LYRM7: variants seen among roughly 807,000 people sequenced by gnomAD.
LYRM7 encodes complex III assembly factor LYRM7.
In LYRM7, 9 loss-of-function variants were observed where a neutral mutation model predicts 15.8. The observed-to-expected ratio is 0.57, with a 90% confidence interval of 0.34 to 0.99. The LOEUF (loss-of-function observed/expected upper bound fraction) is 0.99. LYRM7 is among the 50% of genes least tolerant of loss of function. LYRM7 has a pLI of 0.02. For synonymous variants in LYRM7, 39 were observed against 39.4 expected, an observed-to-expected ratio of 0.99 and a Z score of 0.04; for missense variants, 115 against 119.1, an observed-to-expected ratio of 0.97 and a Z score of 0.16.
At chr5:131,177,827 C>T (rs1755624919) in intron 1 of LYRM7, among the ~76,000 whole-genome samples, 1 of 152,106 alleles carries the variant, frequency 6.6e-6, no homozygotes, top group Non-Finnish European at 1.5e-5. Flanking sequence ...TTTCTCTTTT[C>T]TCTCTTGTTG....
intron 4 of LYRM7, among the ~76,000 whole-genome samples, chr5:131,198,846 C>T (rs749875903): frequency 6.6e-6 from 1 of 151,776 alleles, no homozygotes; most frequent in Non-Finnish European, 1.5e-5. Context: ...TCTAGGATTA[C>T]AGCCGTGAGT....
At chr5:131,190,861 T>C (rs1755875230) in intron 4 of LYRM7, among the ~76,000 whole-genome samples, 1 of 152,152 alleles carries the variant, frequency 6.6e-6, no homozygotes, top group Non-Finnish European at 1.5e-5. Flanking sequence ...TCATCAGCTT[T>C]TATCTTAATA....
chr5:131,176,925 C>A (rs1324803429), intron 1 of LYRM7, among the ~76,000 whole-genome samples: 1 of 152,090 alleles, frequency 6.6e-6, no homozygotes, highest in Non-Finnish European at 1.5e-5. Flanking sequence ...TATATATACA[C>A]CACATTTTCT....
chr5:131,175,139 C>A (rs965267110), intron 1 of LYRM7, among the ~76,000 whole-genome samples: 6 of 140,598 alleles, frequency 4.3e-5, no homozygotes, highest in Admixed American at 6.7e-5. Flanking sequence ...TCTTAAGGGT[C>A]CTAGGATTTT....
At chr5:131,181,633 T>A (rs1348838207) in intron 2 of LYRM7, among the ~76,000 whole-genome samples, 1 of 151,420 alleles carries the variant, frequency 6.6e-6, no homozygotes, top group East Asian at 1.9e-4. Context: ...TTTATACGGA[T>A]TGTTCCATTA....
intron 3 of LYRM7, among the ~76,000 whole-genome samples, chr5:131,184,956 T>C (rs1221342536): frequency 6.6e-6 from 1 of 152,104 alleles, no homozygotes; most frequent in African/African-American, 2.4e-5. Context: ...CACACTTATA[T>C]CCAATCTGAT....
chr5:131,188,471 T>C (rs983019896), intron 4 of LYRM7, among the ~76,000 whole-genome samples: 1 of 151,798 alleles, frequency 6.6e-6, no homozygotes, highest in South Asian at 2.1e-4. Context: ...CACATTGTGA[T>C]TTTAATTTAT....
At chr5:131,178,603 T>C (rs1755635795) in intron 1 of LYRM7, among the ~76,000 whole-genome samples, 1 of 152,172 alleles carries the variant, frequency 6.6e-6, no homozygotes, top group East Asian at 1.9e-4. Context: ...TTCTCTCTTT[T>C]TATTTTTTTC....
At chr5:131,183,123 T>TA (rs33937900) in intron 3 of LYRM7, among the ~76,000 whole-genome samples, 44,900 of 151,590 alleles carry the variant, frequency 0.3, 10,518 homozygotes, top group African/African-American at 0.66. Flanking sequence ...TCCAGATGTT[T>TA]AAAAAAAACT....
At chr5:131,178,743 C>T (rs1580693089) in intron 1 of LYRM7, among the ~76,000 whole-genome samples, 2 of 151,962 alleles carry the variant, frequency 1.3e-5, no homozygotes, top group Admixed American at 6.6e-5. Context: ...CAGCGGACCA[C>T]GAGGTCAGGA....
intron 2 of LYRM7, among the ~76,000 whole-genome samples, chr5:131,181,302 A>AATAT (rs1561544194): frequency 0.021 from 187 of 8,764 alleles, 12 homozygotes; most frequent in South Asian, 0.086. Context: ...AAAAAAAAAA[A>AATAT]ATATATATAT....
Position 131,204,048 on chromosome 5 carries a change from C to T in LYRM7, c.*4447C>T, listed in dbSNP as rs2149668817. 1 of 151,522 alleles carries T rather than the reference C, an allele frequency of 6.6e-6. No homozygotes were observed. Among genetic ancestry groups the T allele is most frequent in the East Asian group, 1.9e-4 (1 of 5,158 alleles). The allele number at this position is 151,522 out of a possible 1,614,324, so 9.4% of individuals were successfully genotyped here. On this transcript the variant is annotated 3_prime_UTR_variant, in exon 5 of 5. Coordinates refer to ENST00000379380, the MANE Select transcript of LYRM7 (RefSeq NM_181705.4). ...GGTTGTAAGACTATAAGGAAATAGC[C>T]ACTGTCATATCATTTTTAAAGGAAT...
chr5:131,182,084 A>G (rs1216865490), intron 2 of LYRM7, 145 bp from the exon 3 acceptor site: 1 of 715,292 alleles, frequency 1.4e-6, no homozygotes, highest in Non-Finnish European at 2.0e-6. Flanking sequence ...TTCATTAATA[A>G]ATTTCTTATT....
At chr5:131,196,102 CTTTTTTTTTTTTTTTTT>C (rs561484173) in intron 4 of LYRM7, among the ~76,000 whole-genome samples, 1 of 131,016 alleles carries the variant, frequency 7.6e-6, no homozygotes, top group Non-Finnish European at 1.6e-5. Context: ...TTCTCCTGTT[CTTTTTTTTTTTTTTTTT>C]TGGAGATAGA....
At chr5:131,194,578 C>A (rs1387899370) in intron 4 of LYRM7, among the ~76,000 whole-genome samples, 4 of 152,124 alleles carry the variant, frequency 2.6e-5, no homozygotes, top group Admixed American at 2.6e-4. Context: ...ATCTGTTTTG[C>A]TGGCAGGAGT....
intron 1 of LYRM7, among the ~76,000 whole-genome samples, chr5:131,178,961 C>CAAA (rs58612746): frequency 0.022 from 1,355 of 62,810 alleles, 64 homozygotes; most frequent in African/African-American, 0.072. Context: ...GACTCCGTCT[C>CAAA]AAAAAAAAAA....
intron 2 of LYRM7, among the ~76,000 whole-genome samples, chr5:131,181,428 TAACATATATATG>T (rs1755707906): frequency 9.0e-6 from 1 of 111,446 alleles, no homozygotes; most frequent in South Asian, 2.4e-4. Context: ...TATATATATA[TAACATATATATG>T]TATATATATA....
chr5:131,181,298 A>T (rs369553390), intron 2 of LYRM7, among the ~76,000 whole-genome samples: 3,268 of 12,466 alleles, frequency 0.26, 496 homozygotes, highest in African/African-American at 0.42. Flanking sequence ...AAAAAAAAAA[A>T]AAAAATATAT....
intron 1 of LYRM7, among the ~76,000 whole-genome samples, chr5:131,174,012 C>T (rs1228629252): frequency 2.0e-5 from 3 of 152,208 alleles, no homozygotes; most frequent in Non-Finnish European, 2.9e-5. Flanking sequence ...CTGTAGCATG[C>T]AATGCTGTTT....
Sources: allele counts gnomAD v4.1 joint callset (sites outside exome capture counted in the v4.1 genomes callset), GRCh38; gene constraint gnomAD v4.1.1; transcripts MANE v1.5; gene names NCBI Gene and HGNC (gene_info 2026-07-23, HGNC 2026-07-21).